Variants in SP1 observed in about 807,000 individuals in gnomAD.
SP1 encodes the protein transcription factor Sp1.
Under a neutral mutation model 66.3 loss-of-function variants are expected in SP1, and 6 were observed. The observed-to-expected ratio is 0.09, with a 90% CI of 0.05 to 0.18. The LOEUF (loss-of-function observed/expected upper bound fraction) is 0.18. Among genes scored for constraint, SP1 ranks in the 10% least tolerant of loss-of-function variants. SP1 has a pLI of 1.00. For missense variants in SP1, 848 were observed against 964.5 expected, an observed-to-expected ratio of 0.88 and a Z score of 1.60; for synonymous variants, 417 against 360.8, an observed-to-expected ratio of 1.16 and a Z score of -1.77.
intron 3 of SP1, among the ~76,000 whole-genome samples, chr12:53,389,909 A>G (rs905499029): frequency 1.6e-4 from 24 of 152,140 alleles, no homozygotes; most frequent in Admixed American, 6.6e-5. Flanking sequence ...TTCACAAACC[A>G]AATTTCAGGT....
rs1938067295 is a variant in SP1, at chr12:53,380,659, C to T, written c.7+361C>T. On this transcript the variant is annotated intron_variant, in intron 1 of 5. Transcript: ENST00000327443. ...CGAGCAGCGAAGGCCCCGCCCGGGC[C>T]AACCGCCTGCCTGGTCCGCCCTCTG... 7.1e-6 allele frequency: 7 copies of T among 992,202 alleles called. No individual in the cohort carries two copies. In the South Asian group the frequency reaches 2.8e-4, roughly 40 times the overall value. The allele number at this position is 992,202 out of a possible 1,614,324, so 61.5% of individuals were successfully genotyped here.
chr12:53,402,352 T>C (rs1441673202), intron 3 of SP1, among the ~76,000 whole-genome samples: 2 of 151,802 alleles, frequency 1.3e-5, no homozygotes, highest in Non-Finnish European at 2.9e-5. Context: ...GCCTCCCAAG[T>C]AGCTGGGACT....
At chr12:53,408,764 G>A (rs1330539940) in intron 4 of SP1, among the ~76,000 whole-genome samples, 5 of 151,938 alleles carry the variant, frequency 3.3e-5, no homozygotes, top group African/African-American at 1.2e-4. Context: ...AAATTAGCCG[G>A]GTGTGGTGGC....
rs1938873529 is a variant in SP1, at chr12:53,411,153, G to A, written c.2271G>A (p.Glu757=). Residue 757 remains glutamate (E), a synonymous_variant, in exon 6 of 6, where the codon GAG becomes GAA. Coordinates refer to ENST00000327443, the MANE Select transcript of SP1 (RefSeq NM_138473.3). ...NMVAMEAICP[E]GIARLANSGI... is the part of the protein sequence containing the mutation. ...TAGCCATGGAGGCCATCTGTCCAGA[G>A]GGCATTGCCCGTCTTGCCAACAGTG... 4 of 1,614,042 alleles carry A rather than the reference G, an allele frequency of 2.5e-6. No individual in the cohort carries two copies. In the African/African-American group the frequency reaches 4.0e-5, roughly 16 times the overall value.
At chr12:53,395,770 A>C (rs1938473763) in intron 3 of SP1, among the ~76,000 whole-genome samples, 1 of 151,602 alleles carries the variant, frequency 6.6e-6, no homozygotes, top group East Asian at 1.9e-4. Flanking sequence ...GATCGAGACC[A>C]TCCTGGCTAA....
chr12:53,397,589 CTTTT>C (rs764088852), intron 3 of SP1, among the ~76,000 whole-genome samples: 1 of 74,222 alleles, frequency 1.3e-5, no homozygotes, highest in Admixed American at 1.5e-4. Flanking sequence ...CTTTTTTTTT[CTTTT>C]TTTTTTTTTT....
At chr12:53,390,435 C>T (rs1182433483) in intron 3 of SP1, among the ~76,000 whole-genome samples, 2 of 152,116 alleles carry the variant, frequency 1.3e-5, no homozygotes. Context: ...GTAATCCCAG[C>T]ACTTTGGGAG....
chr12:53,402,220 CTT>C (rs35020021), intron 3 of SP1, among the ~76,000 whole-genome samples: 82 of 131,450 alleles, frequency 6.2e-4, no homozygotes, highest in East Asian at 2.6e-3. Context: ...TAGGCTGCAC[CTT>C]TTTTTTTTTT....
At chr12:53,380,353 G>A (rs1938053737) in intron 1 of SP1, 55 bp downstream of exon 1, 14 of 1,411,586 alleles carry the variant, frequency 9.9e-6, no homozygotes, top group Non-Finnish European at 1.2e-5. Context: ...GGGGGCGCGC[G>A]CGAGGGCCGA....
intron 3 of SP1, among the ~76,000 whole-genome samples, 182 bp downstream of exon 3, chr12:53,383,804 CTT>C (rs1295381812): frequency 6.6e-6 from 1 of 152,144 alleles, no homozygotes; most frequent in Non-Finnish European, 1.5e-5. Flanking sequence ...GTAAAGGAAA[CTT>C]CTCCAGTTAG....
At position 53,412,294 on chromosome 12, in the gene SP1, G is replaced by T. The variant is rs1432924201; in HGVS notation, c.*1054G>T. ...TAAACTGTCAAATTTTCAAATAATA[G>T]GTAGGGGGCTTTCACTAGGAAAATC... is the stretch of plus-strand genomic sequence containing the variant. On this transcript the variant is annotated 3_prime_UTR_variant, in exon 6 of 6. Coordinates refer to ENST00000327443, the MANE Select transcript of SP1 (RefSeq NM_138473.3). 1 of 152,528 alleles carries T rather than the reference G, an allele frequency of 6.6e-6. No individual in the cohort carries two copies. The highest frequency in any genetic ancestry group is 1.5e-5 in the Non-Finnish European group (1 of 68,036). The allele number at this position is 152,528 out of a possible 1,614,324, so 9.4% of individuals were successfully genotyped here. A position where few individuals can be genotyped will look rare whatever the true frequency, so the allele number is the denominator to read the frequency against.
intron 3 of SP1, among the ~76,000 whole-genome samples, chr12:53,386,479 C>CT (rs372557385): frequency 0.028 from 3,419 of 121,208 alleles, 130 homozygotes; most frequent in African/African-American, 0.079. Flanking sequence ...TAGACTGTAT[C>CT]TTTTTTTTTT....
At chr12:53,403,802 G>A (rs991533303) in intron 3 of SP1, among the ~76,000 whole-genome samples, 7 of 152,142 alleles carry the variant, frequency 4.6e-5, no homozygotes, top group African/African-American at 1.4e-4. Flanking sequence ...ACATTTTGGG[G>A]GGCTGAGGCG....
chr12:53,399,221 C>G (rs999103693), intron 3 of SP1, among the ~76,000 whole-genome samples: 4 of 152,164 alleles, frequency 2.6e-5, no homozygotes, highest in Non-Finnish European at 5.9e-5. Context: ...ACATCCTTAT[C>G]AAATATTTGA....
At chr12:53,384,612 TC>T (rs1003288446) in intron 3 of SP1, among the ~76,000 whole-genome samples, 3 of 152,178 alleles carry the variant, frequency 2.0e-5, no homozygotes, top group African/African-American at 7.2e-5. Context: ...ATGTTTTTTT[TC>T]CACACCCCTT....
intron 3 of SP1, among the ~76,000 whole-genome samples, chr12:53,385,664 C>T (rs1938212162): frequency 6.6e-6 from 1 of 151,304 alleles, no homozygotes; most frequent in South Asian, 2.1e-4. Context: ...CCTATAATCC[C>T]AGCACTTTGG....
At chr12:53,391,666 C>A (rs1390294751) in intron 3 of SP1, among the ~76,000 whole-genome samples, 2 of 151,426 alleles carry the variant, frequency 1.3e-5, no homozygotes, top group African/African-American at 4.9e-5. Flanking sequence ...GTTATATGAT[C>A]TTGAGATTTG....
rs1295245714 is a variant in SP1, at chr12:53,392,599, C to T, written c.1675+8977C>T. On this transcript the variant is annotated intron_variant, in intron 3 of 5. Coordinates refer to ENST00000327443, the MANE Select transcript of SP1 (RefSeq NM_138473.3). ...GTCTCGATCTCCTGACCTCGTGATCCGCCCGCCTCGGCCTCCCAAAGTGCT... is the reference window on the plus strand; with the variant it reads ...GTCTCGATCTCCTGACCTCGTGATCTGCCCGCCTCGGCCTCCCAAAGTGCT... Among the ~76,000 whole-genome samples the T allele has an allele frequency of 3.3e-5, 5 of 151,286 alleles. 1 individual carries two copies. The highest frequency in any genetic ancestry group is 4.2e-4 in the South Asian group (2 of 4,778).
At chr12:53,380,732 C>G in intron 1 of SP1, 1 of 663,808 alleles carries the variant, frequency 1.5e-6, no homozygotes, top group Non-Finnish European at 1.8e-6. Context: ...CCGTAGATTT[C>G]CCTTCCCCCC....
Sources: allele counts gnomAD v4.1 joint callset (sites outside exome capture counted in the v4.1 genomes callset), GRCh38; gene constraint gnomAD v4.1.1; transcripts MANE v1.5; gene names NCBI Gene and HGNC (gene_info 2026-07-23, HGNC 2026-07-21).